The following TMEM139 variants were observed in gnomAD, a reference collection of about 807,000 sequenced individuals.
TMEM139 encodes transmembrane protein 139.
A neutral mutation model predicts 15.9 loss-of-function variants in TMEM139; 9 were observed. That is an observed-to-expected ratio of 0.57 (90% CI 0.34 to 0.99). TMEM139 has a LOEUF of 0.99. Among genes scored for constraint, TMEM139 ranks in the 50% least tolerant of loss-of-function variants. The pLI, the probability that TMEM139 is intolerant of heterozygous loss-of-function variation, is 0.02. For missense variants in TMEM139, 270 were observed against 267.7 expected (o/e 1.01, Z -0.06); for synonymous variants, 95 against 110.5 (o/e 0.86, Z 0.88).
intron 1 of TMEM139, 79 bp from the exon 2 acceptor site, chr7:143,285,862 C>T: frequency 6.4e-7 from 1 of 1,554,094 alleles, no homozygotes; most frequent in South Asian, 1.2e-5. Flanking sequence ...AAAGAAATAT[C>T]ATATGGTTAC....
intron 2 of TMEM139, 31 bp from the exon 3 acceptor site, chr7:143,286,393 G>A: frequency 6.6e-7 from 1 of 1,522,148 alleles, no homozygotes. Context: ...TTTCATGGAA[G>A]CCACCAATGG....
rs1801326758 is a variant in TMEM139, at chr7:143,286,590, AAACTGG to A, written c.416_421del (p.Leu139_Glu140del). 1 of 1,613,770 alleles carries A rather than the reference AAACTGG, an allele frequency of 6.2e-7. No individual in the cohort carries two copies. Among genetic ancestry groups the A allele is most frequent in the African/African-American group, 1.3e-5 (1 of 74,832 alleles). On this transcript the variant is annotated inframe_deletion, in exon 3 of 3. Transcript: ENST00000359333. ...CCATCCAGAGGGGTCCAGGAGAGCC[AAACTGG>A]AACAGAGGCGAATGGCCTCAGAGGG...
At position 143,286,957 on chromosome 7, in the gene TMEM139, T is replaced by C. The variant is rs2116741801; in HGVS notation, c.*128T>C. The C allele has an allele frequency of 8.6e-7, 1 of 1,157,454 alleles. No individual in the cohort carries two copies. Among genetic ancestry groups the C allele is most frequent in the Non-Finnish European group, 1.2e-6 (1 of 824,822 alleles). The allele number at this position is 1,157,454 out of a possible 1,614,324, so 71.7% of individuals were successfully genotyped here. A position where few individuals can be genotyped will look rare whatever the true frequency, so the allele number is the denominator to read the frequency against. On this transcript the variant is annotated 3_prime_UTR_variant, in exon 3 of 3. Transcript: ENST00000359333. ...ACATCATAAATGGGGACTTGGACCC[T>C]GAGGAGAGTCAGGCCACGGTAAGCC...
rs1018454229 is a variant in TMEM139 at position 143,286,669 on chromosome 7, G to A, written c.491G>A (p.Arg164Gln). 16 of 1,614,054 alleles carry A rather than the reference G, an allele frequency of 9.9e-6. No homozygotes were observed. The highest frequency in any genetic ancestry group is 4.5e-5 in the East Asian group (2 of 44,890). Residue 164 changes from arginine to glutamine, a missense_variant, in exon 3 of 3, where the codon CGG (arginine) becomes CAG (glutamine). Coordinates refer to ENST00000359333, the MANE Select transcript of TMEM139 (RefSeq NM_001282876.2). ...CCTGGAAGAGCTCCAATCAACCTTC[G>A]GCTTCGGGGACCACGGGCTGTGTCC... ...GSPGRAPINL[R>Q]LRGPRAVSTA...
At chr7:143,285,665 A>G in intron 1 of TMEM139, 1 of 424,106 alleles carries the variant, frequency 2.4e-6, no homozygotes, top group Non-Finnish European at 4.3e-6. Flanking sequence ...TGGAAGGGAG[A>G]CTACAGGGAA....
At chr7:143,286,356 A>C (rs1454529802) in intron 2 of TMEM139, 68 bp from the exon 3 acceptor site, 1 of 1,524,030 alleles carries the variant, frequency 6.6e-7, no homozygotes, top group African/African-American at 1.4e-5. Context: ...TGCCCACAGC[A>C]GACAAAAAAA....
At chr7:143,285,877 G>T (rs1303805818) in intron 1 of TMEM139, 64 bp from the exon 2 acceptor site, 4 of 1,585,598 alleles carry the variant, frequency 2.5e-6, no homozygotes, top group Non-Finnish European at 2.6e-6. Context: ...GGTTACTTTG[G>T]TATCTGACAC....
chr7:143,286,035 G>T lies in TMEM139; in HGVS notation c.78G>T (p.Leu26=), dbSNP rs1436991801. Residue 26 remains leucine, a synonymous_variant, in exon 2 of 3, where the codon CTG becomes CTT. Transcript: ENST00000359333. ...LLCCASFLLG[L]ALLGIKTDIT... is the part of the protein sequence containing the mutation. ...GCTGCGCCTCCTTCCTACTGGGGCT[G>T]GCTTTGCTGGGCATAAAGACGGACA... 6.2e-7 allele frequency: 1 copy of T among 1,614,000 alleles called. No individual in the cohort carries two copies. The highest frequency in any genetic ancestry group is 1.7e-5 in the Admixed American group (1 of 59,998).
chr7:143,286,178 G>C lies in TMEM139; in HGVS notation c.221G>C (p.Ser74Thr). 2 of 1,614,010 alleles carry C rather than the reference G, an allele frequency of 1.2e-6. No individual in the cohort carries two copies. The highest frequency in any genetic ancestry group is 1.7e-6 in the Non-Finnish European group (2 of 1,180,012). The change falls in exon 2 of 3, where the codon AGC becomes ACC. Residue 74 changes from serine to threonine, a missense_variant. By Grantham distance (58) the Ser-to-Thr change is moderately conservative. Transcript: ENST00000359333. ...RSQLQSMQTE[S>T]PGPSGNARDN... ...CAGCTCCAATCAATGCAGACTGAGA[G>C]CCCAGGGCCCTCAGGCAATGCACGG...
intron 2 of TMEM139, 27 bp downstream of exon 2, chr7:143,286,229 G>A: frequency 3.1e-6 from 5 of 1,612,072 alleles, no homozygotes; most frequent in Non-Finnish European, 3.4e-6. Context: ...CATCGTAAGA[G>A]GAATACACCT....
chr7:143,286,479 T>G lies in TMEM139; in HGVS notation c.301T>G (p.Ser101Ala). Residue 101 changes from serine (S) to alanine (A), a missense_variant, in exon 3 of 3, where the codon TCC (serine) becomes GCC (alanine). By Grantham distance (99) the Ser-to-Ala change is moderately conservative. Transcript: ENST00000359333. ...VYEEAVVGLE[S>A]QCRPQELDQP... ...TGAAGAGGCCGTGGTGGGACTAGAA[T>G]CCCAGTGCCGCCCCCAAGAGTTGGA... is the stretch of plus-strand genomic sequence containing the variant. The G allele has an allele frequency of 6.4e-7, 1 of 1,564,716 alleles. No homozygotes were observed. The highest frequency in any genetic ancestry group is 8.6e-7 in the Non-Finnish European group (1 of 1,157,760).
rs992263752 is a variant in TMEM139 at position 143,287,060 on chromosome 7, C to T, written c.*231C>T. 4.1e-6 allele frequency: 2 copies of T among 484,270 alleles called. No individual in the cohort carries two copies. Among genetic ancestry groups the T allele is most frequent in the African/African-American group, 3.9e-5 (2 of 51,024 alleles). 30.0% of individuals were successfully genotyped at this position (484,270 alleles called of 1,614,324 possible). The stretch of plus-strand genomic sequence containing the variant: ...TGACCTACCCCATATCCAATATTTC[C>T]AGCGTTAGATTGAGGATGAGGTAGG... On this transcript the variant is annotated 3_prime_UTR_variant, in exon 3 of 3. Transcript: ENST00000359333.
rs780485890 is a variant in TMEM139 at position 143,285,944 on chromosome 7, C to T, written c.-14C>T. The T allele has an allele frequency of 3.1e-6, 5 of 1,613,834 alleles. No individual in the cohort carries two copies. The African/African-American group carries it at 6.7e-5, about 22-fold the overall frequency. On this transcript the variant is annotated 5_prime_UTR_variant, in exon 2 of 3. Transcript: ENST00000359333. The stretch of plus-strand genomic sequence containing the variant: ...ATAGCTGTGTGTCTTTTTGCAGGAG[C>T]CTGGGGAGGGGCCATGGTGCCAATG...
chr7:143,285,784 G>C (rs1210255503), intron 1 of TMEM139, 157 bp from the exon 2 acceptor site: 1 of 972,696 alleles, frequency 1.0e-6, no homozygotes, highest in African/African-American at 1.6e-5. Flanking sequence ...AAGACATAGA[G>C]AGAATTTCGG....
rs1436991801 is a variant in TMEM139 at position 143,286,035 on chromosome 7, G to A, written c.78G>A (p.Leu26=). The A allele has an allele frequency of 1.8e-5, 29 of 1,614,000 alleles. No individual in the cohort carries two copies. The highest frequency in any genetic ancestry group is 2.5e-5 in the Non-Finnish European group (29 of 1,180,018). Residue 26 remains leucine (L), a synonymous_variant, in exon 2 of 3, where the codon CTG becomes CTA. Coordinates refer to ENST00000359333, the MANE Select transcript of TMEM139 (RefSeq NM_001282876.2). Reference sequence around the variant, plus strand: ...GCTGCGCCTCCTTCCTACTGGGGCTGGCTTTGCTGGGCATAAAGACGGACA... The same window carrying A: ...GCTGCGCCTCCTTCCTACTGGGGCTAGCTTTGCTGGGCATAAAGACGGACA... The part of the protein sequence containing the change: ...LLCCASFLLG[L]ALLGIKTDIT...
At position 143,287,482 on chromosome 7, in the gene TMEM139, C is replaced by T. The variant is rs1340223132; in HGVS notation, c.*653C>T. On this transcript the variant is annotated 3_prime_UTR_variant, in exon 3 of 3. Coordinates refer to ENST00000359333, the MANE Select transcript of TMEM139 (RefSeq NM_001282876.2). ...TGAGCATGGGCACGCATGTCCCCAG[C>T]CTCCTGGACGAGCAAAGTCAGTCAA... 6 of 152,514 alleles carry T rather than the reference C, an allele frequency of 3.9e-5. No homozygotes were observed. The East Asian group carries it at 1.2e-3, about 29-fold the overall frequency. The allele number at this position is 152,514 out of a possible 1,614,324, so 9.4% of individuals were successfully genotyped here.
rs1003833014 is a variant in TMEM139, at chr7:143,287,794, AC to A, written c.*967del. ...GCTTCTGCCTCACTCCTAAGCTCTG[AC>A]CGCTAGGCTTTCACCCCAGCCGCCG... is the stretch of plus-strand genomic sequence containing the variant. On this transcript the variant is annotated 3_prime_UTR_variant, in exon 3 of 3. Transcript: ENST00000359333. 12 of 152,470 alleles carry A rather than the reference AC, an allele frequency of 7.9e-5. No homozygotes were observed. Among genetic ancestry groups the A allele is most frequent in the African/African-American group, 2.9e-4 (12 of 41,530 alleles). The allele number at this position is 152,470 out of a possible 1,614,324, so 9.4% of individuals were successfully genotyped here.
In TMEM139 at chr7:143,286,973, A is replaced by G. The variant is rs1801355097; in HGVS notation, c.*144A>G. The stretch of plus-strand genomic sequence containing the variant: ...CTTGGACCCTGAGGAGAGTCAGGCC[A>G]CGGTAAGCCCTTCCCAGCTGAGATA... On this transcript the variant is annotated 3_prime_UTR_variant, in exon 3 of 3. Coordinates refer to ENST00000359333, the MANE Select transcript of TMEM139 (RefSeq NM_001282876.2). 5 of 965,148 alleles carry G rather than the reference A, an allele frequency of 5.2e-6. No homozygotes were observed. The Admixed American group carries it at 1.3e-4, about 24-fold the overall frequency. 59.8% of individuals were successfully genotyped at this position (965,148 alleles called of 1,614,324 possible). A position where few individuals can be genotyped will look rare whatever the true frequency, so the allele number is the denominator to read the frequency against.
In TMEM139 at chr7:143,285,356, C is replaced by T. The variant is rs1433327702; in HGVS notation, c.-107C>T. On this transcript the variant is annotated 5_prime_UTR_variant, in exon 1 of 3. Coordinates refer to ENST00000359333, the MANE Select transcript of TMEM139 (RefSeq NM_001282876.2). ...AATTGTTTCTCAAGCAGTTGTGTCC[C>T]TGTGGCTTTGGTGCGCCTGTGTGCA... The T allele has an allele frequency of 1.8e-5, 3 of 163,236 alleles. No individual in the cohort carries two copies. The highest frequency in any genetic ancestry group is 1.7e-4 in the Admixed American group (3 of 17,798). The allele number at this position is 163,236 out of a possible 1,614,324, so 10.1% of individuals were successfully genotyped here.
Sources: gnomAD v4.1 joint callset for allele counts on GRCh38, gnomAD v4.1.1 for gene constraint, MANE v1.5 for transcripts, NCBI Gene and HGNC (gene_info 2026-07-23, HGNC 2026-07-21) for gene names.